PCAT7: variants seen among roughly 807,000 people sequenced by gnomAD.
PCAT7 encodes prostate cancer associated transcript 7 (non-protein coding).
At chr9:94,562,111 A>T (rs1028626456) in intron 2 of PCAT7, among the ~76,000 whole-genome samples, 2 of 152,066 alleles carry the variant, frequency 1.3e-5, no homozygotes, top group East Asian at 1.9e-4. Context: ...GGAGATCGAG[A>T]CCATCCTGGC....
chr9:94,568,824 G>T (rs910194310), intron 2 of PCAT7: 3 of 151,890 alleles, frequency 2.0e-5, no homozygotes, highest in Admixed American at 1.3e-4. Context: ...AATGATTAAG[G>T]TAACTAGTCA....
At chr9:94,563,652 G>A (rs182564590) in intron 2 of PCAT7, among the ~76,000 whole-genome samples, 1 of 152,226 alleles carries the variant, frequency 6.6e-6, no homozygotes, top group Admixed American at 6.5e-5. Context: ...ACCTTACCTT[G>A]TGACTGGACT....
intron 2 of PCAT7, chr9:94,571,368 A>C: frequency 7.8e-7 from 1 of 1,275,900 alleles, no homozygotes; most frequent in South Asian, 2.0e-5. Flanking sequence ...AACAAGTATT[A>C]GGAATAACCA....
At chr9:94,571,696 G>A in intron 2 of PCAT7, 1 of 1,167,912 alleles carries the variant, frequency 8.6e-7, no homozygotes, top group Non-Finnish European at 1.2e-6. Context: ...TCGAATCACT[G>A]AAGGAAGCGC....
chr9:94,560,581 C>T (rs1305228567), intron 2 of PCAT7, among the ~76,000 whole-genome samples: 1 of 152,026 alleles, frequency 6.6e-6, no homozygotes, highest in African/African-American at 2.4e-5. Flanking sequence ...ATGGTTGACC[C>T]AGCTATGTGC....
chr9:94,572,059 C>T (rs1827275525), intron 2 of PCAT7, among the ~76,000 whole-genome samples: 1 of 152,168 alleles, frequency 6.6e-6, no homozygotes, highest in African/African-American at 2.4e-5. Context: ...TAACAACCTA[C>T]TGCAGCTGGA....
chr9:94,558,069 C>T (rs1392422860), intron 1 of PCAT7, among the ~76,000 whole-genome samples: 1 of 152,172 alleles, frequency 6.6e-6, no homozygotes, highest in Non-Finnish European at 1.5e-5. Flanking sequence ...TAAGTGACCC[C>T]ATTTTCCATT....
intron 2 of PCAT7, among the ~76,000 whole-genome samples, chr9:94,561,225 T>C (rs894191278): frequency 1.3e-5 from 2 of 152,314 alleles, no homozygotes; most frequent in Admixed American, 1.3e-4. Context: ...TAGTACCTAA[T>C]GCGCTTGTCT....
intron 2 of PCAT7, chr9:94,563,472 G>A (rs1827139749): frequency 1.2e-6 from 2 of 1,611,604 alleles, no homozygotes; most frequent in Non-Finnish European, 1.7e-6. Flanking sequence ...CTAGAAGACA[G>A]AAAGCGAAGA....
intron 1 of PCAT7, among the ~76,000 whole-genome samples, chr9:94,558,515 G>A (rs185687576): frequency 1.1e-4 from 17 of 152,172 alleles, no homozygotes; most frequent in African/African-American, 4.1e-4. Flanking sequence ...GGATGGTCTC[G>A]ATCTCCTGAC....
intron 1 of PCAT7, among the ~76,000 whole-genome samples, chr9:94,556,274 G>C (rs748989298): frequency 2.3e-4 from 35 of 151,696 alleles, no homozygotes; most frequent in Non-Finnish European, 4.6e-4. Context: ...GAAAAAGAGG[G>C]TGGCCAGGGA....
At chr9:94,563,442 C>A (rs1564179737) in intron 2 of PCAT7, 1 of 1,613,804 alleles carries the variant, frequency 6.2e-7, no homozygotes, top group Non-Finnish European at 8.5e-7. Flanking sequence ...ATACCTGGCC[C>A]CATAGGGAGC....
intron 2 of PCAT7, chr9:94,567,209 C>A: frequency 6.3e-7 from 1 of 1,590,276 alleles, no homozygotes; most frequent in Non-Finnish European, 8.6e-7. Flanking sequence ...AAGCCACCAC[C>A]CAAACAGGAC....
chr9:94,565,007 C>G (rs1183629046), intron 2 of PCAT7, among the ~76,000 whole-genome samples: 1 of 152,044 alleles, frequency 6.6e-6, no homozygotes, highest in Non-Finnish European at 1.5e-5. Context: ...CTGATCTGAT[C>G]ACTGTATATT....
intron 2 of PCAT7, among the ~76,000 whole-genome samples, chr9:94,572,065 C>T (rs1827275574): frequency 6.6e-6 from 1 of 152,144 alleles, no homozygotes; most frequent in Non-Finnish European, 1.5e-5. Flanking sequence ...CCTACTGCAG[C>T]TGGAGCGGCT....
chr9:94,569,613 T>C (rs1280374136), intron 2 of PCAT7: 1 of 152,238 alleles, frequency 6.6e-6, no homozygotes, highest in Admixed American at 6.5e-5. Flanking sequence ...GTTCCTTTGT[T>C]CTGATTGTGT....
intron 2 of PCAT7, chr9:94,572,926 G>A (rs373852218): frequency 2.3e-4 from 34 of 150,146 alleles, no homozygotes; most frequent in South Asian, 1.9e-3. Flanking sequence ...CTTGTATCCT[G>A]TGACCTTGCT....
chr9:94,556,883 G>A (rs1280706105), intron 1 of PCAT7, among the ~76,000 whole-genome samples: 1 of 152,178 alleles, frequency 6.6e-6, no homozygotes, highest in Non-Finnish European at 1.5e-5. Flanking sequence ...TGGCCTAGAT[G>A]TATTCTTGTA....
exon 2 of PCAT7, chr9:94,559,077 C>T: frequency 1.2e-6 from 2 of 1,614,128 alleles, no homozygotes; most frequent in East Asian, 2.2e-5. Context: ...GGTCGCCAAG[C>T]CTCCTGCCTG....
Sources: gnomAD v4.1 joint callset for allele counts (sites outside exome capture counted in the v4.1 genomes callset) on GRCh38, gnomAD v4.1.1 for gene constraint, MANE v1.5 for transcripts, NCBI Gene and HGNC (gene_info 2026-07-23, HGNC 2026-07-21) for gene names.